The following PCDHGB5 variants were observed in gnomAD, a reference collection of about 807,000 sequenced individuals.
The protein encoded by PCDHGB5 is protocadherin gamma subfamily B, 5, also known as protocadherin gamma-B5.
A neutral mutation model predicts 62.9 loss-of-function variants in PCDHGB5; 48 were observed. The ratio of observed to expected loss-of-function variants is 0.76; its 90% CI spans 0.61 to 0.97. The LOEUF (loss-of-function observed/expected upper bound fraction) is 0.97. PCDHGB5 is among the 50% of genes least tolerant of loss of function. The probability of loss-of-function intolerance (pLI) is 0.00; values close to 1 mark genes in which losing one functional copy is unlikely to be tolerated. For synonymous variants in PCDHGB5, 474 were observed against 511.2 expected (o/e 0.93, Z 0.98); for missense variants, 1,118 against 1,198.6 (o/e 0.93, Z 0.99).
At chr5:141,410,008 C>A (rs2095347582) in intron 1 of PCDHGB5, 1 of 1,613,220 alleles carries the variant, frequency 6.2e-7, no homozygotes, top group Non-Finnish European at 8.5e-7. Flanking sequence ...GACACAACGC[C>A]TGGCTGTCCT....
intron 1 of PCDHGB5, among the ~76,000 whole-genome samples, chr5:141,452,455 C>T (rs2098741536): frequency 6.6e-6 from 1 of 152,208 alleles, no homozygotes; most frequent in Non-Finnish European, 1.5e-5. Flanking sequence ...GCCTTGTCAG[C>T]AGACGGAGCT....
At chr5:141,405,355 A>G in intron 1 of PCDHGB5, 2 of 1,613,990 alleles carry the variant, frequency 1.2e-6, no homozygotes, top group South Asian at 1.1e-5. Flanking sequence ...AGTTTCCTAT[A>G]GAAGACACCC....
Position 141,423,337 on chromosome 5 carries a change from A to G in PCDHGB5, c.2397+22813A>G, listed in dbSNP as rs769321122. The G allele has an allele frequency of 6.0e-5, 97 of 1,614,180 alleles. 1 individual carries two copies. The African/African-American group carries it at 8.9e-4, about 15-fold the overall frequency. ...GGTGGCGGTGGCCGCAGTCTCCTGC[A>G]TCTTCCTGGTCTTTGTCATCGTGCT... On this transcript the variant is annotated intron_variant, in intron 1 of 3. Coordinates refer to ENST00000617380, the MANE Select transcript of PCDHGB5 (RefSeq NM_018925.3).
chr5:141,414,559 T>C (rs1330713312), intron 1 of PCDHGB5: 2 of 1,613,782 alleles, frequency 1.2e-6, no homozygotes, highest in Non-Finnish European at 1.7e-6. Flanking sequence ...AGTCTCCTAC[T>C]TTACCTATAT....
chr5:141,419,638 C>G, intron 1 of PCDHGB5: 1 of 1,612,456 alleles, frequency 6.2e-7, no homozygotes, highest in Non-Finnish European at 8.5e-7. Context: ...AGGTGGTGGC[C>G]GTGGACGCGG....
At position 141,489,049 on chromosome 5, in the gene PCDHGB5, T is replaced by G; in HGVS notation, c.2398-5758T>G. 2.1e-6 allele frequency: 1 copy of G among 477,660 alleles called. No homozygotes were observed. Among genetic ancestry groups the G allele is most frequent in the Non-Finnish European group, 3.7e-6 (1 of 272,910 alleles). 29.6% of individuals were successfully genotyped at this position (477,660 alleles called of 1,614,324 possible). On this transcript the variant is annotated intron_variant, in intron 1 of 3. Transcript: ENST00000617380. The surrounding 1 kb of genome is among the most constrained non-coding windows in gnomAD (Gnocchi z 4.5). ...CTCCAGCTCCCCAGCTCCACTCAAA[T>G]TCAGCTCCCCTCCCCCCTGCCCACC... is the stretch of plus-strand genomic sequence containing the variant.
chr5:141,413,992 A>G (rs1437832303), intron 1 of PCDHGB5: 1 of 1,613,538 alleles, frequency 6.2e-7, no homozygotes, highest in Admixed American at 1.7e-5. Flanking sequence ...AGCCACCGAC[A>G]GGGACGAAGG....
In PCDHGB5 at chr5:141,485,251, C is replaced by T. The variant is rs748522322; in HGVS notation, c.2398-9556C>T. 7 of 1,614,092 alleles carry T rather than the reference C, an allele frequency of 4.3e-6. No individual in the cohort carries two copies. In the South Asian group the frequency reaches 6.6e-5, roughly 15 times the overall value. On this transcript the variant is annotated intron_variant, in intron 1 of 3. Transcript: ENST00000617380. This position sits in a 1 kb window ranked among gnomAD's most constrained non-coding sequence, Gnocchi z 5.7. The stretch of plus-strand genomic sequence containing the variant: ...TGTTCCTCTTTTACCACCTGGGTTA[C>T]GTTTGTGGGCAGATCCGCTACCCGG...
intron 2 of PCDHGB5, among the ~76,000 whole-genome samples, chr5:141,499,689 CTTTTTTT>C (rs545067566): frequency 8.3e-6 from 1 of 119,856 alleles, no homozygotes; most frequent in Non-Finnish European, 1.7e-5. Flanking sequence ...TAACAGATGA[CTTTTTTT>C]TTTTTTTTTT....
rs980122657 is a variant in PCDHGB5, at chr5:141,511,379, C to G, written c.*206C>G. The G allele has an allele frequency of 2.9e-5, 34 of 1,169,842 alleles. No individual in the cohort carries two copies. The highest frequency in any genetic ancestry group is 3.9e-5 in the Non-Finnish European group (33 of 853,834). The allele number at this position is 1,169,842 out of a possible 1,614,324, so 72.5% of individuals were successfully genotyped here. ...GGGGGTTGAATATGCAAAAGCAGTT[C>G]CGCTGGGAACCCCCATCCAATCAAC... On this transcript the variant is annotated 3_prime_UTR_variant, in exon 4 of 4. Transcript: ENST00000617380.
At chr5:141,438,765 G>A (rs1012158127) in intron 1 of PCDHGB5, among the ~76,000 whole-genome samples, 5 of 149,658 alleles carry the variant, frequency 3.3e-5, no homozygotes, top group Middle Eastern at 3.4e-3. Context: ...GGGTTCAAGC[G>A]ATTCTCCTGC....
At chr5:141,481,465 T>C (rs561789315) in intron 1 of PCDHGB5, among the ~76,000 whole-genome samples, 2 of 152,334 alleles carry the variant, frequency 1.3e-5, no homozygotes, top group South Asian at 2.1e-4. Context: ...CTGAAAACCA[T>C]TGGATTATAC....
intron 3 of PCDHGB5, among the ~76,000 whole-genome samples, chr5:141,510,424 C>T (rs2154594619): frequency 6.6e-6 from 1 of 152,236 alleles, no homozygotes; most frequent in South Asian, 2.1e-4. Flanking sequence ...GCCATGGTTT[C>T]ATGGCTGCTG....
chr5:141,438,619 TATATATATATATATATACAC>T (rs1310378007), intron 1 of PCDHGB5, among the ~76,000 whole-genome samples: 16 of 39,678 alleles, frequency 4.0e-4, no homozygotes, highest in African/African-American at 1.2e-3. Flanking sequence ...TATATATATA[TATATATATATATATATACAC>T]ACACACACAC....
chr5:141,489,084 C>A lies in PCDHGB5; in HGVS notation c.2398-5723C>A. On this transcript the variant is annotated intron_variant, in intron 1 of 3. Coordinates refer to ENST00000617380, the MANE Select transcript of PCDHGB5 (RefSeq NM_018925.3). The surrounding 1 kb of genome is among the most constrained non-coding windows in gnomAD (Gnocchi z 4.5). Reference sequence around the variant, plus strand: ...CTCCCCCCTGCCCACCCCCGCCACTCGGTGACTAAGAACTGCTGCAAGCAG... The same window carrying A: ...CTCCCCCCTGCCCACCCCCGCCACTAGGTGACTAAGAACTGCTGCAAGCAG... The A allele has an allele frequency of 9.1e-6, 3 of 329,124 alleles. No homozygotes were observed. The highest frequency in any genetic ancestry group is 1.1e-5 in the Non-Finnish European group (2 of 186,464). The allele number at this position is 329,124 out of a possible 1,614,324, so 20.4% of individuals were successfully genotyped here. A position where few individuals can be genotyped will look rare whatever the true frequency, so the allele number is the denominator to read the frequency against.
At chr5:141,502,781 C>G (rs1360359268) in intron 2 of PCDHGB5, among the ~76,000 whole-genome samples, 2 of 151,658 alleles carry the variant, frequency 1.3e-5, no homozygotes, top group Non-Finnish European at 2.9e-5. Flanking sequence ...TGAAAATTAC[C>G]TGGATGATTT....
chr5:141,418,875 A>G (rs2097697666), intron 1 of PCDHGB5: 1 of 1,613,926 alleles, frequency 6.2e-7, no homozygotes, highest in African/African-American at 1.3e-5. Flanking sequence ...GAAGTTGTAG[A>G]CGAAAACGAC....
At chr5:141,420,234 T>G (rs766733064) in intron 1 of PCDHGB5, 1 of 1,600,030 alleles carries the variant, frequency 6.2e-7, no homozygotes, top group Non-Finnish European at 8.5e-7. Flanking sequence ...GCTAGCATTT[T>G]AACTCCCAGC....
chr5:141,409,106 A>T (rs1474106494), intron 1 of PCDHGB5: 1 of 1,613,930 alleles, frequency 6.2e-7, no homozygotes, highest in East Asian at 2.2e-5. Context: ...AGGTATGATT[A>T]AGAATAACCA....
Sources: allele counts gnomAD v4.1 joint callset (sites outside exome capture counted in the v4.1 genomes callset), GRCh38; gene constraint gnomAD v4.1.1; non-coding constraint Gnocchi (gnomAD v3.1); transcripts MANE v1.5; gene names NCBI Gene and HGNC (gene_info 2026-07-23, HGNC 2026-07-21).